HTT: variants seen among roughly 807,000 people sequenced by gnomAD.
HTT encodes huntingtin.
In HTT, 104 loss-of-function variants were observed where a neutral mutation model predicts 362.3. The ratio of observed to expected loss-of-function variants is 0.29; its 90% CI spans 0.24 to 0.34. The LOEUF (loss-of-function observed/expected upper bound fraction) is 0.34. Ranked by LOEUF, HTT falls within the 10% of genes least tolerant of loss-of-function variation. The pLI is 1.00. For missense variants in HTT, 3,301 were observed against 3,928.6 expected, an observed-to-expected ratio of 0.84 and a Z score of 4.27; for synonymous variants, 1,577 against 1,548.7, an observed-to-expected ratio of 1.02 and a Z score of -0.43.
intron 49 of HTT, chr4:3,212,978 C>T: frequency 2.5e-6 from 1 of 405,046 alleles, no homozygotes; most frequent in East Asian, 4.3e-5. Context: ...ATTTTAGAGA[C>T]ATGAAAAATA....
chr4:3,188,051 G>T, intron 39 of HTT, 165 bp downstream of exon 39: 1 of 589,170 alleles, frequency 1.7e-6, no homozygotes, highest in Non-Finnish European at 3.0e-6. Context: ...ATTATCTATG[G>T]CTCTTGGTTC....
In HTT at chr4:3,136,233, A is replaced by G. The variant is rs771354654; in HGVS notation, c.2705A>G (p.Lys902Arg). The change falls in exon 21 of 67, where the codon AAA (lysine) becomes AGA (arginine). Residue 902 changes from lysine (K) to arginine (R), a missense_variant. By Grantham distance (26) the Lys-to-Arg change is conservative. This residue lies in a region of HTT where 2,316 missense variants were observed against 2,658.5 expected (regional missense o/e 0.87). Transcript: ENST00000355072. The stretch of plus-strand genomic sequence containing the variant: ...TTATCCTTCTCTCTAAAGCTTTTAA[A>G]ACTGCAAGAACGAGTGCTCAATAAT... ...RGAHHYTGLL[K>R]LQERVLNNVV... 2 of 1,605,132 alleles carry G rather than the reference A, an allele frequency of 1.2e-6. No homozygotes were observed. The highest frequency in any genetic ancestry group is 8.5e-7 in the Non-Finnish European group (1 of 1,172,472).
At chr4:3,075,186 C>T (rs1712450827) in intron 1 of HTT, 98 bp downstream of exon 1, 1 of 1,097,478 alleles carries the variant, frequency 9.1e-7, no homozygotes, top group Non-Finnish European at 1.1e-6. Flanking sequence ...GACACGAACC[C>T]CCGGCCCCGC....
At chr4:3,223,862 C>T in intron 55 of HTT, 130 bp from the exon 56 acceptor site, 1 of 932,600 alleles carries the variant, frequency 1.1e-6, no homozygotes, top group Non-Finnish European at 1.7e-6. Flanking sequence ...CAGGTGCTCA[C>T]TTAGGAAGTG....
Position 3,238,834 on chromosome 4 carries a change from A to G in HTT, c.9071A>G (p.His3024Arg). 1.2e-6 allele frequency: 2 copies of G among 1,608,406 alleles called. No individual in the cohort carries two copies. The highest frequency in any genetic ancestry group is 1.7e-6 in the Non-Finnish European group (2 of 1,178,884). ...TVVYKVFQTLHSTGQSSMVRD... is the reference protein window; with the variant it reads ...TVVYKVFQTLRSTGQSSMVRD... Reference sequence around the variant, plus strand: ...TCCTTGCAGGTGTTTCAGACTCTGCACAGCACCGGGCAGTCGTCCATGGTC... The same window carrying G: ...TCCTTGCAGGTGTTTCAGACTCTGCGCAGCACCGGGCAGTCGTCCATGGTC... The change falls in exon 66 of 67, where the codon CAC becomes CGC. Residue 3024 changes from histidine to arginine, a missense_variant. Physicochemically the swap from His to Arg is conservative, Grantham distance 29. This residue lies in a region of HTT where 753 missense variants were observed against 1,021.3 expected (regional missense o/e 0.74). Coordinates refer to ENST00000355072, the MANE Select transcript of HTT (RefSeq NM_001388492.1).
At chr4:3,169,662 C>T (rs923049010) in intron 29 of HTT, among the ~76,000 whole-genome samples, 2 of 152,060 alleles carry the variant, frequency 1.3e-5, no homozygotes, top group African/African-American at 2.4e-5. Flanking sequence ...CAACCTCCAC[C>T]TCCCAGGCTC....
At position 3,140,602 on chromosome 4, in the gene HTT, T is replaced by C; in HGVS notation, c.2891T>C (p.Leu964Pro). ...GATCAAAGCAGTGTTTACCTGAAAC[T>C]TCTCATGCATGAGACGCAGCCTCCA... ...ARDQSSVYLK[L>P]LMHETQPPSH... Residue 964 changes from leucine (L) to proline (P), a missense_variant, in exon 22 of 67, where the codon CTT becomes CCT. Leu to Pro is a moderately conservative substitution (Grantham distance 98). Around this residue, in one of 4 missense-constraint regions of HTT, gnomAD observed 2,316 missense variants for 2,658.5 expected, o/e 0.87. Transcript: ENST00000355072. 1 of 1,614,032 alleles carries C rather than the reference T, an allele frequency of 6.2e-7. No homozygotes were observed. The highest frequency in any genetic ancestry group is 8.5e-7 in the Non-Finnish European group (1 of 1,179,834).
intron 57 of HTT, among the ~76,000 whole-genome samples, chr4:3,227,322 G>T (rs202201793): frequency 1.2e-3 from 144 of 119,490 alleles, no homozygotes; most frequent in African/African-American, 3.5e-3. Flanking sequence ...TGCCACCCCT[G>T]CCCTGTCTGG....
intron 40 of HTT, among the ~76,000 whole-genome samples, chr4:3,190,812 C>A (rs938401535): frequency 6.6e-6 from 1 of 152,306 alleles, no homozygotes; most frequent in Admixed American, 6.5e-5. Context: ...GAAGAACGAT[C>A]GTTTGTAATG....
intron 59 of HTT, among the ~76,000 whole-genome samples, chr4:3,229,437 A>C: frequency 6.7e-6 from 1 of 148,822 alleles, no homozygotes; most frequent in East Asian, 2.0e-4. Context: ...AACCACACAC[A>C]TGCACCACAC....
At chr4:3,159,781 G>C (rs927221385) in intron 28 of HTT, among the ~76,000 whole-genome samples, 10 of 152,180 alleles carry the variant, frequency 6.6e-5, no homozygotes, top group African/African-American at 2.2e-4. Flanking sequence ...CTGTAAAATA[G>C]AATTGCTGTA....
chr4:3,232,315 A>G (rs1721294686), intron 60 of HTT, among the ~76,000 whole-genome samples: 1 of 152,134 alleles, frequency 6.6e-6, no homozygotes, highest in Non-Finnish European at 1.5e-5. Flanking sequence ...CGAGAACCTC[A>G]TCATTCCACA....
chr4:3,162,382 C>G (rs1399041977), intron 29 of HTT, among the ~76,000 whole-genome samples: 1 of 152,160 alleles, frequency 6.6e-6, no homozygotes, highest in Admixed American at 6.5e-5. Context: ...GTTCTTCTAG[C>G]CCAGGATTGT....
chr4:3,139,272 A>T (rs1716223751), intron 21 of HTT, among the ~76,000 whole-genome samples: 2 of 152,176 alleles, frequency 1.3e-5, no homozygotes, highest in African/African-American at 4.8e-5. Context: ...ATCTTGGCTC[A>T]TTGCAACTAT....
intron 29 of HTT, among the ~76,000 whole-genome samples, chr4:3,165,060 T>G (rs1303531461): frequency 6.6e-6 from 1 of 152,222 alleles, no homozygotes; most frequent in African/African-American, 2.4e-5. Context: ...TGGCTGGTAC[T>G]GGTTGTTCCT....
intron 35 of HTT, among the ~76,000 whole-genome samples, chr4:3,179,748 G>C (rs1478728357): frequency 6.7e-6 from 1 of 149,632 alleles, no homozygotes; most frequent in Non-Finnish European, 1.5e-5. Flanking sequence ...GTGTGCCTCT[G>C]TGTGTGCTCA....
intron 35 of HTT, 97 bp from the exon 36 acceptor site, chr4:3,180,418 T>C: frequency 8.8e-7 from 1 of 1,133,580 alleles, no homozygotes; most frequent in South Asian, 1.7e-5. Context: ...GTAAGGGTTT[T>C]CTTTATTTCT....
intron 1 of HTT, among the ~76,000 whole-genome samples, chr4:3,079,323 C>T (rs992291328): frequency 1.4e-5 from 2 of 144,630 alleles, no homozygotes; most frequent in East Asian, 2.0e-4. Flanking sequence ...GTATCACTAT[C>T]GTAGCTCACT....
intron 40 of HTT, among the ~76,000 whole-genome samples, chr4:3,192,330 T>C (rs1719049104): frequency 6.6e-6 from 1 of 152,130 alleles, no homozygotes; most frequent in Admixed American, 6.6e-5. Flanking sequence ...CTCCTGCCTC[T>C]GCCTCCCAAA....
Sources: gnomAD v4.1 joint callset for allele counts (sites outside exome capture counted in the v4.1 genomes callset) on GRCh38, gnomAD v4.1.1 for gene constraint, gnomAD v4.1.1 regional missense constraint, MANE v1.5 for transcripts, NCBI Gene and HGNC (gene_info 2026-07-23, HGNC 2026-07-21) for gene names.